Variants in UGT1A6 observed in about 807,000 individuals in gnomAD.
UGT1A6 encodes the protein UDP-glucuronosyltransferase 1A6.
In UGT1A6, 32 loss-of-function variants were observed where a neutral mutation model predicts 44.4. The ratio of observed to expected loss-of-function variants is 0.72; its 90% CI spans 0.54 to 0.97. The LOEUF (loss-of-function observed/expected upper bound fraction) is 0.97. UGT1A6 is among the 50% of genes least tolerant of loss of function. The pLI, the probability that UGT1A6 is intolerant of heterozygous loss-of-function variation, is 0.00. For missense variants in UGT1A6, 685 were observed against 661.9 expected, an observed-to-expected ratio of 1.03 and a Z score of -0.38; for synonymous variants, 238 against 248.5, an observed-to-expected ratio of 0.96 and a Z score of 0.40.
chr2:233,754,382 CAG>C (rs1431576597), intron 1 of UGT1A6: 1 of 288,696 alleles, frequency 3.5e-6, no homozygotes, highest in African/African-American at 2.2e-5. Flanking sequence ...GAAAGACAAA[CAG>C]AGGTCCTATC....
rs1692921739 is a variant in UGT1A6 at position 233,744,781 on chromosome 2, G to GA, written c.862-22248dup. Among the ~76,000 whole-genome samples the GA allele has an allele frequency of 2.0e-5, 3 of 151,856 alleles. No individual in the cohort carries two copies. The South Asian group carries it at 6.2e-4, about 31-fold the overall frequency. On this transcript the variant is annotated intron_variant, in intron 1 of 4. Coordinates refer to ENST00000305139, the MANE Select transcript of UGT1A6 (RefSeq NM_001072.4). ...AGTTTTAACTTTGCAAAATTCTCCTGAAAAATTCTTGGGGATCCCTAGGAT... is the reference window on the plus strand; with the variant it reads ...AGTTTTAACTTTGCAAAATTCTCCTGAAAAAATTCTTGGGGATCCCTAGGAT...
intron 1 of UGT1A6, among the ~76,000 whole-genome samples, chr2:233,704,709 C>T (rs192586332): frequency 2.6e-5 from 4 of 152,180 alleles, no homozygotes; most frequent in African/African-American, 7.2e-5. Flanking sequence ...TTTCTTAGCC[C>T]AATTTGCCTT....
chr2:233,743,662 G>T (rs34622615), intron 1 of UGT1A6: 40,924 of 1,367,182 alleles, frequency 0.03, 778 homozygotes, highest in African/African-American at 0.053. Flanking sequence ...ACTCGAAGGG[G>T]TCCTCGAAGG....
chr2:233,729,850 G>C (rs916795505), intron 1 of UGT1A6: 6 of 1,613,870 alleles, frequency 3.7e-6, no homozygotes, highest in Non-Finnish European at 5.1e-6. Context: ...TTTTCAGAGA[G>C]AGGTGTCAGT....
At chr2:233,713,743 A>G (rs2076342174) in intron 1 of UGT1A6, 9 of 1,613,788 alleles carry the variant, frequency 5.6e-6, no homozygotes, top group Admixed American at 3.3e-5. Flanking sequence ...CTTGTCAGCC[A>G]TGCATCTGTG....
chr2:233,765,966 G>C (rs538817499), intron 1 of UGT1A6, among the ~76,000 whole-genome samples: 1 of 152,134 alleles, frequency 6.6e-6, no homozygotes, highest in African/African-American at 2.4e-5. Context: ...GTGTCTAGAG[G>C]TGGATGTTTA....
intron 1 of UGT1A6, among the ~76,000 whole-genome samples, chr2:233,748,325 G>C (rs574436973): frequency 6.6e-6 from 1 of 151,854 alleles, no homozygotes; most frequent in East Asian, 1.9e-4. Context: ...GGACTGATGT[G>C]ACTCATGGAG....
At chr2:233,764,324 A>C (rs1432372938) in intron 1 of UGT1A6, among the ~76,000 whole-genome samples, 1 of 152,154 alleles carries the variant, frequency 6.6e-6, no homozygotes, top group Non-Finnish European at 1.5e-5. Context: ...AGCTTTGCCA[A>C]GTAGGGGATG....
intron 1 of UGT1A6, among the ~76,000 whole-genome samples, chr2:233,727,606 A>T (rs554046773): frequency 6.6e-6 from 1 of 152,298 alleles, no homozygotes; most frequent in Admixed American, 6.5e-5. Flanking sequence ...TTGGAGGAAT[A>T]GTTCAGAGGC....
At position 233,715,255 on chromosome 2, in the gene UGT1A6, T is replaced by A. The variant is rs575259071; in HGVS notation, c.861+21390T>A. Among the ~76,000 whole-genome samples, 42 of 152,302 alleles carry A rather than the reference T, an allele frequency of 2.8e-4. 1 individual carries two copies. Among genetic ancestry groups the A allele is most frequent in the African/African-American group, 1.0e-3 (42 of 41,564 alleles). On this transcript the variant is annotated intron_variant, in intron 1 of 4. Transcript: ENST00000305139. ...TCTGTGAAGGATGTCTTTTAAAAAA[T>A]CCCCTTACATAACAAATTCTCCTCC...
chr2:233,718,946 C>T (rs1373518014), intron 1 of UGT1A6: 1 of 1,614,072 alleles, frequency 6.2e-7, no homozygotes, highest in African/African-American at 1.3e-5. Context: ...GCCCCTGGCT[C>T]AGCATGCGGG....
chr2:233,747,562 T>C (rs1237868574), intron 1 of UGT1A6: 2 of 1,595,464 alleles, frequency 1.3e-6, no homozygotes, highest in South Asian at 1.1e-5. Context: ...ATGGCAATTT[T>C]GAAAAATTCA....
intron 1 of UGT1A6, among the ~76,000 whole-genome samples, chr2:233,695,634 C>T (rs1162944712): frequency 6.6e-6 from 1 of 152,010 alleles, no homozygotes; most frequent in Non-Finnish European, 1.5e-5. Flanking sequence ...CCATGAGACC[C>T]ACTTTTTTAG....
chr2:233,766,548 C>T (rs547504981), intron 1 of UGT1A6, among the ~76,000 whole-genome samples: 152 of 152,318 alleles, frequency 1.0e-3, no homozygotes, highest in African/African-American at 3.6e-3. Flanking sequence ...AAATGCCTGT[C>T]CTCACCTAGG....
At chr2:233,767,735 C>A in intron 2 of UGT1A6, 114 bp from the exon 3 acceptor site, 2 of 1,569,354 alleles carry the variant, frequency 1.3e-6, no homozygotes, top group Non-Finnish European at 1.7e-6. Flanking sequence ...GATCCTCCCA[C>A]TCTGTTAAAG....
chr2:233,755,095 C>T (rs1348652333), intron 1 of UGT1A6: 32 of 1,334,722 alleles, frequency 2.4e-5, no homozygotes, highest in Non-Finnish European at 3.1e-5. Context: ...CGTTTCTACG[C>T]GTCCGACAAC....
chr2:233,692,921 T>C lies in UGT1A6; in HGVS notation c.-84T>C. On this transcript the variant is annotated 5_prime_UTR_variant, in exon 1 of 5. Coordinates refer to ENST00000305139, the MANE Select transcript of UGT1A6 (RefSeq NM_001072.4). ...AGACAGGACCTGTGAAAAGCAGTGGTTAGTTTAGGGAAAATACCTAGGAGC... is the reference window on the plus strand; with the variant it reads ...AGACAGGACCTGTGAAAAGCAGTGGCTAGTTTAGGGAAAATACCTAGGAGC... 6.4e-7 allele frequency: 1 copy of C among 1,571,738 alleles called. No individual in the cohort carries two copies. Among genetic ancestry groups the C allele is most frequent in the Non-Finnish European group, 8.6e-7 (1 of 1,163,868 alleles).
Position 233,693,483 on chromosome 2 carries a change from C to G in UGT1A6, c.479C>G (p.Ala160Gly). Residue 160 changes from alanine to glycine, a missense_variant, in exon 1 of 5, where the codon GCT becomes GGT. Ala to Gly is a moderately conservative substitution (Grantham distance 60). Coordinates refer to ENST00000305139, the MANE Select transcript of UGT1A6 (RefSeq NM_001072.4). ...DPALPCGVIL[A>G]EYLGLPSVYL... The stretch of plus-strand genomic sequence containing the variant: ...GCCTTACCCTGTGGGGTGATCCTGG[C>G]TGAGTATTTGGGCCTACCATCTGTG... 6.2e-7 allele frequency: 1 copy of G among 1,614,168 alleles called. No individual in the cohort carries two copies. Among genetic ancestry groups the G allele is most frequent in the Non-Finnish European group, 8.5e-7 (1 of 1,180,042 alleles).
chr2:233,769,459 A>G lies in UGT1A6; in HGVS notation c.1301+1020A>G. On this transcript the variant is annotated intron_variant, in intron 4 of 4. Coordinates refer to ENST00000305139, the MANE Select transcript of UGT1A6 (RefSeq NM_001072.4). This position sits in a 1 kb window ranked among gnomAD's most constrained non-coding sequence, Gnocchi z 4.4. The stretch of plus-strand genomic sequence containing the variant: ...TGTGTGGGTGCACACGTGTGCATTC[A>G]TATGCGTGTGTGTGTGTGTGCGTGT... 1 of 1,591,312 alleles carries G rather than the reference A, an allele frequency of 6.3e-7. No individual in the cohort carries two copies. Among genetic ancestry groups the G allele is most frequent in the Non-Finnish European group, 8.6e-7 (1 of 1,161,842 alleles).
Sources: allele counts gnomAD v4.1 joint callset (sites outside exome capture counted in the v4.1 genomes callset), GRCh38; gene constraint gnomAD v4.1.1; non-coding constraint Gnocchi (gnomAD v3.1); transcripts MANE v1.5; gene names NCBI Gene and HGNC (gene_info 2026-07-23, HGNC 2026-07-21).